PPP1R1C: variants seen among roughly 807,000 people sequenced by gnomAD.
PPP1R1C encodes the protein protein phosphatase 1 regulatory subunit 1C.
PPP1R1C carries 15 observed loss-of-function variants against 17.4 expected under a neutral mutation model. The observed-to-expected ratio is 0.86, with a 90% CI of 0.58 to 1.33. The LOEUF is 1.33. PPP1R1C is among the 40% of genes most tolerant of loss of function. The pLI, the probability that PPP1R1C is intolerant of heterozygous loss-of-function variation, is 0.00. For missense variants in PPP1R1C, 143 were observed against 130.0 expected (o/e 1.10, Z -0.48); for synonymous variants, 35 against 43.1 (o/e 0.81, Z 0.73).
downstream of PPP1R1C, among the ~76,000 whole-genome samples, chr2:182,120,046 C>T (rs1010914608): frequency 2.0e-5 from 3 of 152,132 alleles, no homozygotes; most frequent in East Asian, 5.8e-4. Context: ...TTAGGTCTAA[C>T]ATTTAAGTCT....
chr2:182,012,641 C>A (rs1408245894), intron 2 of PPP1R1C, among the ~76,000 whole-genome samples: 5 of 151,938 alleles, frequency 3.3e-5, no homozygotes, highest in African/African-American at 7.2e-5. Flanking sequence ...CTTGCTATGG[C>A]CATTTCGTTA....
At chr2:182,104,136 A>G (rs1338945932) in intron 4 of PPP1R1C, among the ~76,000 whole-genome samples, 2 of 152,196 alleles carry the variant, frequency 1.3e-5, no homozygotes, top group Non-Finnish European at 2.9e-5. Context: ...ATATAAGATC[A>G]TGTTGTCTGC....
chr2:182,009,356 T>C (rs1686021309), intron 2 of PPP1R1C, among the ~76,000 whole-genome samples: 1 of 152,168 alleles, frequency 6.6e-6, no homozygotes, highest in Non-Finnish European at 1.5e-5. Flanking sequence ...CATAGTAGTT[T>C]TGATTTGCAT....
chr2:182,085,803 C>A (rs921336334), intron 4 of PPP1R1C, among the ~76,000 whole-genome samples: 1 of 151,998 alleles, frequency 6.6e-6, no homozygotes, highest in Non-Finnish European at 1.5e-5. Context: ...TAAAATGGGG[C>A]GGGTGAGCAG....
chr2:182,121,282 C>T (rs1279148195), downstream of PPP1R1C, among the ~76,000 whole-genome samples: 1 of 152,068 alleles, frequency 6.6e-6, no homozygotes, highest in East Asian at 1.9e-4. Context: ...TCATACCTAA[C>T]CTGCTGGGTT....
chr2:182,032,316 C>T (rs1015954960), intron 2 of PPP1R1C, among the ~76,000 whole-genome samples: 2 of 152,170 alleles, frequency 1.3e-5, no homozygotes, highest in African/African-American at 2.4e-5. Flanking sequence ...GCTTTAATGT[C>T]GGTTTCTCAA....
intron 4 of PPP1R1C, among the ~76,000 whole-genome samples, chr2:182,102,986 T>C (rs1412920407): frequency 6.6e-6 from 1 of 152,078 alleles, no homozygotes; most frequent in African/African-American, 2.4e-5. Context: ...TATTTTTTTA[T>C]AGAGATGGGG....
intron 4 of PPP1R1C, among the ~76,000 whole-genome samples, chr2:182,100,794 A>G (rs1689077873): frequency 6.6e-6 from 1 of 152,224 alleles, no homozygotes; most frequent in Admixed American, 6.5e-5. Context: ...GGTCATCAGG[A>G]GCAAACAATA....
At chr2:181,964,882 T>G (rs1315733073) in intron 1 of PPP1R1C, among the ~76,000 whole-genome samples, 3 of 152,110 alleles carry the variant, frequency 2.0e-5, no homozygotes. Context: ...ATTTTTGTAT[T>G]TTTAGTAGAG....
chr2:182,016,316 T>C (rs967263771), intron 2 of PPP1R1C, among the ~76,000 whole-genome samples: 3 of 152,204 alleles, frequency 2.0e-5, no homozygotes, highest in Non-Finnish European at 4.4e-5. Context: ...TTCAGTGATA[T>C]GACATTAAAA....
At chr2:182,111,759 T>C (rs937592191) in intron 4 of PPP1R1C, among the ~76,000 whole-genome samples, 3 of 151,698 alleles carry the variant, frequency 2.0e-5, no homozygotes, top group African/African-American at 4.8e-5. Flanking sequence ...TACATACAAT[T>C]ATATAGAAAT....
intron 4 of PPP1R1C, among the ~76,000 whole-genome samples, chr2:182,102,514 T>C (rs1286886492): frequency 6.6e-6 from 1 of 152,092 alleles, no homozygotes; most frequent in Admixed American, 6.5e-5. Context: ...AGAATAAATA[T>C]CCAAATAAAG....
downstream of PPP1R1C, among the ~76,000 whole-genome samples, chr2:182,119,518 A>T (rs1689678370): frequency 6.6e-6 from 1 of 152,202 alleles, no homozygotes; most frequent in Non-Finnish European, 1.5e-5. Context: ...TTACAGTCCC[A>T]ACAACAGTGT....
chr2:182,110,341 A>G (rs956324868), intron 4 of PPP1R1C, among the ~76,000 whole-genome samples: 1 of 152,248 alleles, frequency 6.6e-6, no homozygotes, highest in African/African-American at 2.4e-5. Context: ...AAACTGATAT[A>G]TAAAACCAGA....
intron 4 of PPP1R1C, among the ~76,000 whole-genome samples, chr2:182,082,369 G>T (rs1231258683): frequency 6.6e-6 from 1 of 152,148 alleles, no homozygotes; most frequent in African/African-American, 2.4e-5. Context: ...TTTCAAGCAG[G>T]TTTCAAATTA....
intron 2 of PPP1R1C, among the ~76,000 whole-genome samples, chr2:181,988,257 G>A (rs1249158234): frequency 6.6e-6 from 1 of 152,226 alleles, no homozygotes; most frequent in Non-Finnish European, 1.5e-5. Flanking sequence ...CAGCCCTAGA[G>A]ATGCTTATAT....
rs73038912 is a variant in PPP1R1C, at chr2:182,031,953, G to A, written c.143-29489G>A. Among the ~76,000 whole-genome samples the A allele has an allele frequency of 7.5e-3, 1,136 of 152,226 alleles. 14 individuals are homozygous for A. The highest frequency in any genetic ancestry group is 0.025 in the African/African-American group (1,028 of 41,528). ...CAGATCATAGCCCAATCTTAAACTCGGGAGATTGTTGGAGAGAGTTAGAAA... is the reference window on the plus strand; with the variant it reads ...CAGATCATAGCCCAATCTTAAACTCAGGAGATTGTTGGAGAGAGTTAGAAA... On this transcript the variant is annotated intron_variant, in intron 2 of 4. Coordinates refer to ENST00000682840, the MANE Select transcript of PPP1R1C (RefSeq NM_001080545.3).
intron 2 of PPP1R1C, among the ~76,000 whole-genome samples, chr2:182,058,387 A>C (rs1010443632): frequency 9.9e-5 from 15 of 152,202 alleles, no homozygotes; most frequent in African/African-American, 3.4e-4. Context: ...TCTTCATAGC[A>C]TCATAGCAAG....
At chr2:182,020,766 C>A (rs935016059) in intron 2 of PPP1R1C, among the ~76,000 whole-genome samples, 2 of 152,088 alleles carry the variant, frequency 1.3e-5, no homozygotes, top group African/African-American at 4.8e-5. Context: ...TTGTTCTGAC[C>A]TTCCCCAACC....
Sources: gnomAD v4.1 joint callset for allele counts (sites outside exome capture counted in the v4.1 genomes callset) on GRCh38, gnomAD v4.1.1 for gene constraint, MANE v1.5 for transcripts, NCBI Gene and HGNC (gene_info 2026-07-23, HGNC 2026-07-21) for gene names.